The following MTA3 variants were observed in gnomAD, a reference collection of about 807,000 sequenced individuals.
MTA3 encodes metastasis-associated protein MTA3.
Under a neutral mutation model 83.5 loss-of-function variants are expected in MTA3, and 34 were observed. The observed-to-expected ratio is 0.41, with a 90% confidence interval of 0.31 to 0.54. MTA3 has a LOEUF of 0.54. MTA3 is among the 20% of genes least tolerant of loss of function. The probability of loss-of-function intolerance (pLI) is 0.33; values close to 1 mark genes in which losing one functional copy is unlikely to be tolerated. For missense variants in MTA3, 761 were observed against 726.4 expected (o/e 1.05, Z -0.55); for synonymous variants, 303 against 252.7 (o/e 1.20, Z -1.89).
chr2:42,729,889 G>A (rs1193008404), intron 16 of MTA3, among the ~76,000 whole-genome samples: 1 of 152,146 alleles, frequency 6.6e-6, no homozygotes, highest in African/African-American at 2.4e-5. Flanking sequence ...GAGTTAGTAT[G>A]GACATTTTAA....
At chr2:42,600,136 T>G (rs1682379291) in intron 3 of MTA3, among the ~76,000 whole-genome samples, 1 of 152,078 alleles carries the variant, frequency 6.6e-6, no homozygotes, top group Admixed American at 6.6e-5. Context: ...AGGCAGAGGT[T>G]GTAGTGAGCC....
intron 3 of MTA3, among the ~76,000 whole-genome samples, chr2:42,585,463 TTTTC>T (rs1680156841): frequency 6.8e-6 from 1 of 147,498 alleles, no homozygotes; most frequent in Non-Finnish European, 1.5e-5. Flanking sequence ...AATGATTCTT[TTTTC>T]TTTCTTTTCT....
Position 42,706,408 on chromosome 2 carries a change from CAAAT to C in MTA3, c.1151-1491_1151-1488del, listed in dbSNP as rs530064591. 3.9e-3 allele frequency among the ~76,000 whole-genome samples: 589 copies of C among 152,182 alleles called. 3 individuals are homozygous for C. The highest frequency in any genetic ancestry group is 0.013 in the African/African-American group (522 of 41,522). ...CTAAAATAGGCCTAAAATATTTACA[CAAAT>C]AAAAGCCTAAAATAATAATCCTCCA... On this transcript the variant is annotated intron_variant, in intron 12 of 16. Transcript: ENST00000405094.
At chr2:42,529,918 T>A (rs1048898064) in intron 2 of MTA3, among the ~76,000 whole-genome samples, 17 of 152,220 alleles carry the variant, frequency 1.1e-4, no homozygotes, top group African/African-American at 1.9e-4. Context: ...ACAGGCGCGG[T>A]GGCTCACGCC....
intron 4 of MTA3, among the ~76,000 whole-genome samples, chr2:42,627,081 T>C (rs1214662825): frequency 6.6e-6 from 1 of 151,650 alleles, no homozygotes; most frequent in East Asian, 1.9e-4. Context: ...TTCTTTTTTC[T>C]TTTTTTTTCC....
intron 8 of MTA3, among the ~76,000 whole-genome samples, chr2:42,676,978 C>T (rs1691421197): frequency 1.3e-5 from 2 of 152,190 alleles, no homozygotes; most frequent in South Asian, 2.1e-4. Context: ...AGTAGTCTTT[C>T]TTTTCCAAGA....
At chr2:42,573,892 C>T (rs1278293711) in intron 2 of MTA3, among the ~76,000 whole-genome samples, 1 of 151,980 alleles carries the variant, frequency 6.6e-6, no homozygotes, top group Non-Finnish European at 1.5e-5. Flanking sequence ...AATCTCAGCT[C>T]ACTGCAAGCT....
At chr2:42,549,542 T>A (rs1363936119) in intron 2 of MTA3, among the ~76,000 whole-genome samples, 1 of 69,810 alleles carries the variant, frequency 1.4e-5, no homozygotes, top group Admixed American at 2.2e-4. Flanking sequence ...ATACATATAT[T>A]ACATAATATA....
intron 3 of MTA3, among the ~76,000 whole-genome samples, chr2:42,583,238 T>C (rs963209277): frequency 2.6e-5 from 4 of 152,218 alleles, no homozygotes; most frequent in Non-Finnish European, 5.9e-5. Flanking sequence ...TTTATCTGTT[T>C]AGAAGGATTA....
At chr2:42,704,511 C>A (rs969676402) in intron 12 of MTA3, among the ~76,000 whole-genome samples, 193 bp downstream of exon 12, 1 of 152,164 alleles carries the variant, frequency 6.6e-6, no homozygotes, top group African/African-American at 2.4e-5. Flanking sequence ...TTATTACGTA[C>A]CACACACTCA....
chr2:42,569,027 A>C (rs1678149884), intron 1 of MTA3, among the ~76,000 whole-genome samples: 1 of 151,678 alleles, frequency 6.6e-6, no homozygotes, highest in African/African-American at 2.4e-5. Context: ...CCAGGCCTCT[A>C]CTTGGGGGTA....
chr2:42,515,469 C>T (rs1675101210), intron 2 of MTA3, among the ~76,000 whole-genome samples: 1 of 152,108 alleles, frequency 6.6e-6, no homozygotes, highest in Non-Finnish European at 1.5e-5. Flanking sequence ...TAGGCATGTG[C>T]TGCTGCATGC....
intron 3 of MTA3, among the ~76,000 whole-genome samples, chr2:42,591,419 T>C (rs987468148): frequency 6.6e-6 from 1 of 152,288 alleles, no homozygotes; most frequent in South Asian, 2.1e-4. Flanking sequence ...GTAGACTTAC[T>C]AAACACTGTA....
At chr2:42,620,400 A>G (rs925349412) in intron 4 of MTA3, among the ~76,000 whole-genome samples, 1 of 152,124 alleles carries the variant, frequency 6.6e-6, no homozygotes, top group Non-Finnish European at 1.5e-5. Context: ...AATTACAGGA[A>G]TGAGCTACCG....
intron 5 of MTA3, among the ~76,000 whole-genome samples, chr2:42,640,702 T>G (rs1558532777): frequency 1.3e-5 from 2 of 152,184 alleles, no homozygotes; most frequent in African/African-American, 4.8e-5. Context: ...CAACAAGAAA[T>G]GTAGTTAACA....
intron 4 of MTA3, among the ~76,000 whole-genome samples, chr2:42,615,646 G>A (rs929562142): frequency 6.7e-6 from 1 of 148,822 alleles, no homozygotes; most frequent in Admixed American, 6.7e-5. Flanking sequence ...GAGCCACTGC[G>A]CCTGGCCAAT....
intron 3 of MTA3, among the ~76,000 whole-genome samples, chr2:42,608,035 A>G (rs1310523828): frequency 2.0e-5 from 3 of 152,238 alleles, no homozygotes; most frequent in Non-Finnish European, 4.4e-5. Flanking sequence ...GATCTGCATC[A>G]TGAGAGATGC....
At chr2:42,602,359 T>C (rs188108252) in intron 3 of MTA3, among the ~76,000 whole-genome samples, 1 of 152,360 alleles carries the variant, frequency 6.6e-6, no homozygotes, top group Admixed American at 6.5e-5. Context: ...TGAACATTCA[T>C]GTACAGGTCT....
chr2:42,743,232 C>T (rs1210577071), intron 16 of MTA3, among the ~76,000 whole-genome samples: 1 of 152,214 alleles, frequency 6.6e-6, no homozygotes, highest in African/African-American at 2.4e-5. Flanking sequence ...ACTACTTGAG[C>T]TTTGTTCAGT....
Sources: allele counts gnomAD v4.1 joint callset (sites outside exome capture counted in the v4.1 genomes callset), GRCh38; gene constraint gnomAD v4.1.1; transcripts MANE v1.5; gene names NCBI Gene and HGNC (gene_info 2026-07-23, HGNC 2026-07-21).